The following TSPAN9 variants were observed in gnomAD, a reference collection of about 807,000 sequenced individuals.
TSPAN9 encodes the protein tetraspanin-9.
In TSPAN9, 16 loss-of-function variants were observed where a neutral mutation model predicts 31.0. The observed-to-expected ratio is 0.52, with a 90% CI of 0.35 to 0.78. The LOEUF is 0.78. TSPAN9 is among the 30% of genes least tolerant of loss of function. The pLI is 0.01. For synonymous variants in TSPAN9, 145 were observed against 121.6 expected, an observed-to-expected ratio of 1.19 and a Z score of -1.27; for missense variants, 272 against 312.5, an observed-to-expected ratio of 0.87 and a Z score of 0.98.
At chr12:3,077,834 G>C (rs1210029265) in intron 1 of TSPAN9, among the ~76,000 whole-genome samples, 1 of 152,188 alleles carries the variant, frequency 6.6e-6, no homozygotes, top group African/African-American at 2.4e-5. Context: ...ACCCCAGAGA[G>C]GGCCAGGGGG....
At position 3,186,539 on chromosome 12, in the gene TSPAN9, AGTTT is replaced by A. The variant is rs759686786; in HGVS notation, c.-17-14631_-17-14628del. On this transcript the variant is annotated intron_variant, in intron 2 of 8. Transcript: ENST00000011898. The stretch of plus-strand genomic sequence containing the variant: ...GCTGGAGTGGAGTGAGTGGGCCAGG[AGTTT>A]GTTTGTGTGTGTGTGTGTGTGTGTG... Among the ~76,000 whole-genome samples the A allele has an allele frequency of 8.5e-4, 51 of 59,942 alleles. 1 individual carries two copies. Among genetic ancestry groups the A allele is most frequent in the Non-Finnish European group, 1.3e-3 (37 of 28,860 alleles). The allele number at this position is 59,942 out of a possible 152,430, so 39.3% of individuals were successfully genotyped here. A position where few individuals can be genotyped will look rare whatever the true frequency, so the allele number is the denominator to read the frequency against.
At chr12:3,244,442 C>T (rs977290002) in intron 3 of TSPAN9, among the ~76,000 whole-genome samples, 1 of 152,238 alleles carries the variant, frequency 6.6e-6, no homozygotes, top group Non-Finnish European at 1.5e-5. Flanking sequence ...TCTCTGCCAG[C>T]CGCAGCCCTG....
rs536191004 is a variant in TSPAN9, at chr12:3,161,641, C to T, written c.-17-39536C>T. Among the ~76,000 whole-genome samples, 30 of 152,300 alleles carry T rather than the reference C, an allele frequency of 2.0e-4. No homozygotes were observed. In the South Asian group the frequency reaches 6.0e-3, roughly 31 times the overall value. ...GCTGGAAGAGCACCAGTGAGCAGCT[C>T]CCCAGCCCCTGCTTCTCAGCCTTTT... On this transcript the variant is annotated intron_variant, in intron 2 of 8. Transcript: ENST00000011898.
At position 3,147,439 on chromosome 12, in the gene TSPAN9, G is replaced by C. The variant is rs937161508; in HGVS notation, c.-17-53738G>C. On this transcript the variant is annotated intron_variant, in intron 2 of 8. Transcript: ENST00000011898. This position sits in a 1 kb window ranked among gnomAD's most constrained non-coding sequence, Gnocchi z 4.3. The stretch of plus-strand genomic sequence containing the variant: ...TGGGCATGCTGCAGCCTGAGTCCTG[G>C]TGGCATCTCCACCGACGCGACGGGA... Among the ~76,000 whole-genome samples, 3 of 152,184 alleles carry C rather than the reference G, an allele frequency of 2.0e-5. No homozygotes were observed. Among genetic ancestry groups the C allele is most frequent in the African/African-American group, 7.2e-5 (3 of 41,436 alleles).
In TSPAN9 at chr12:3,283,947, A is replaced by C. The variant is rs963619069; in HGVS notation, c.*831A>C. On this transcript the variant is annotated 3_prime_UTR_variant, in exon 9 of 9. Transcript: ENST00000011898. ...GCCTGGGAGAGGCGGGTGGAGCGTG[A>C]AGCAGGCTGGAGGTGCCCCTGCACG... 1.3e-5 allele frequency: 2 copies of C among 152,464 alleles called. No individual in the cohort carries two copies. Among genetic ancestry groups the C allele is most frequent in the African/African-American group, 4.8e-5 (2 of 41,460 alleles). 9.4% of individuals were successfully genotyped at this position (152,464 alleles called of 1,614,324 possible). A position where few individuals can be genotyped will look rare whatever the true frequency, so the allele number is the denominator to read the frequency against.
chr12:3,272,194 A>G (rs1862692336), intron 3 of TSPAN9, among the ~76,000 whole-genome samples: 1 of 152,184 alleles, frequency 6.6e-6, no homozygotes, highest in African/African-American at 2.4e-5. Flanking sequence ...GGCTCTGCAG[A>G]CACATGAGGC....
intron 8 of TSPAN9, chr12:3,282,195 C>T (rs1862908455): frequency 1.5e-5 from 9 of 589,664 alleles, no homozygotes; most frequent in Admixed American, 2.9e-5. Flanking sequence ...TCTGTGGTGA[C>T]CGTGAGACCA....
At chr12:3,100,171 A>G (rs1200661358) in intron 2 of TSPAN9, among the ~76,000 whole-genome samples, 5 of 152,092 alleles carry the variant, frequency 3.3e-5, no homozygotes, top group African/African-American at 1.2e-4. Flanking sequence ...GCTGGTGGGA[A>G]TGTGAACTCT....
intron 2 of TSPAN9, among the ~76,000 whole-genome samples, chr12:3,171,127 C>T (rs1246314160): frequency 1.3e-5 from 2 of 152,162 alleles, no homozygotes; most frequent in African/African-American, 2.4e-5. Context: ...TCCCGACGCG[C>T]GCCGAGACCT....
chr12:3,235,217 A>AATATATATATAT (rs59628415), intron 3 of TSPAN9, among the ~76,000 whole-genome samples: 8 of 22,880 alleles, frequency 3.5e-4, no homozygotes, highest in Non-Finnish European at 4.1e-4. Context: ...AAAAAAAAAA[A>AATATATATATAT]ATATATATAT....
At position 3,264,569 on chromosome 12, in the gene TSPAN9, G is replaced by A. The variant is rs116769548; in HGVS notation, c.64-13852G>A. On this transcript the variant is annotated intron_variant, in intron 3 of 8. Transcript: ENST00000011898. ...CTGCAGGCCTGGGTGGACAGGGCTCGGAGAGGCCCAGGAGCAGCCTCTGTG... is the reference window on the plus strand; with the variant it reads ...CTGCAGGCCTGGGTGGACAGGGCTCAGAGAGGCCCAGGAGCAGCCTCTGTG... 4.6e-3 allele frequency among the ~76,000 whole-genome samples: 701 copies of A among 152,256 alleles called. 6 individuals are homozygous for A. Among genetic ancestry groups the A allele is most frequent in the African/African-American group, 0.016 (652 of 41,556 alleles).
intron 3 of TSPAN9, among the ~76,000 whole-genome samples, chr12:3,205,450 G>T (rs908506657): frequency 6.6e-6 from 1 of 152,182 alleles, no homozygotes; most frequent in Admixed American, 6.5e-5. Context: ...CAGCATGGTC[G>T]GGCTCTCCAG....
chr12:3,156,248 T>C (rs77385590), intron 2 of TSPAN9, among the ~76,000 whole-genome samples: 2,110 of 152,152 alleles, frequency 0.014, 46 homozygotes, highest in African/African-American at 0.048. Context: ...ACCCGGAAGG[T>C]TGTGCAGGGC....
At chr12:3,105,547 G>C (rs1237988813) in intron 2 of TSPAN9, among the ~76,000 whole-genome samples, 1 of 152,036 alleles carries the variant, frequency 6.6e-6, no homozygotes, top group Non-Finnish European at 1.5e-5. Context: ...CTTGAGAGGG[G>C]CAGGGAGGGA....
chr12:3,131,840 G>A (rs571255254), intron 2 of TSPAN9, among the ~76,000 whole-genome samples: 1 of 152,062 alleles, frequency 6.6e-6, no homozygotes, highest in African/African-American at 2.4e-5. Flanking sequence ...CATTTACTAC[G>A]TTCACCGTGT....
chr12:3,255,026 C>T (rs531113923), intron 3 of TSPAN9, among the ~76,000 whole-genome samples: 10 of 152,270 alleles, frequency 6.6e-5, no homozygotes, highest in East Asian at 1.9e-4. Context: ...TTGGCTTTGA[C>T]GCCAATCTCC....
intron 2 of TSPAN9, among the ~76,000 whole-genome samples, chr12:3,138,005 C>T (rs932994714): frequency 5.3e-5 from 8 of 152,176 alleles, no homozygotes; most frequent in African/African-American, 1.9e-4. Flanking sequence ...GTCCCGCTGT[C>T]CCCCTCACTG....
chr12:3,154,095 C>T (rs1297492726), intron 2 of TSPAN9, among the ~76,000 whole-genome samples: 2 of 151,816 alleles, frequency 1.3e-5, no homozygotes, highest in Non-Finnish European at 1.5e-5. Flanking sequence ...CCCCCTTTTG[C>T]GTTATTTCCT....
rs574344217 is a variant in TSPAN9, at chr12:3,175,812, A to G, written c.-17-25365A>G. Among the ~76,000 whole-genome samples, 495 of 152,270 alleles carry G rather than the reference A, an allele frequency of 3.3e-3. 3 individuals carry two copies. Among genetic ancestry groups the G allele is most frequent in the Non-Finnish European group, 5.4e-3 (368 of 68,024 alleles). Reference sequence around the variant, plus strand: ...CCACTGCAGCCGAGTTGCTTTATAAATAGAAAGATACTTAACACCGACCCT... The same window carrying G: ...CCACTGCAGCCGAGTTGCTTTATAAGTAGAAAGATACTTAACACCGACCCT... On this transcript the variant is annotated intron_variant, in intron 2 of 8. Transcript: ENST00000011898.
Sources: gnomAD v4.1 joint callset for allele counts (sites outside exome capture counted in the v4.1 genomes callset) on GRCh38, gnomAD v4.1.1 for gene constraint, Gnocchi (gnomAD v3.1) non-coding constraint, MANE v1.5 for transcripts, NCBI Gene and HGNC (gene_info 2026-07-23, HGNC 2026-07-21) for gene names.